Variants in KCNAB2 observed in about 807,000 individuals in gnomAD.
KCNAB2 encodes potassium voltage-gated channel subfamily A regulatory beta subunit 2, also known as voltage-gated potassium channel subunit beta-2.
In KCNAB2, 29 loss-of-function variants were observed where a neutral mutation model predicts 63.6. The ratio of observed to expected loss-of-function variants is 0.46; its 90% CI spans 0.34 to 0.62. The LOEUF is 0.62. KCNAB2 is among the 20% of genes least tolerant of loss of function. The pLI, the probability that KCNAB2 is intolerant of heterozygous loss-of-function variation, is 0.01. For synonymous variants in KCNAB2, 222 were observed against 224.2 expected (o/e 0.99, Z 0.09); for missense variants, 359 against 563.9 (o/e 0.64, Z 3.68).
rs1665993456 is a variant in KCNAB2 at position 6,101,005 on chromosome 1, AT to A, written c.*2432del. The A allele has an allele frequency of 6.7e-6, 1 of 149,154 alleles. No individual in the cohort carries two copies. Among genetic ancestry groups the A allele is most frequent in the African/African-American group, 2.5e-5 (1 of 40,298 alleles). The allele number at this position is 149,154 out of a possible 1,614,324, so 9.2% of individuals were successfully genotyped here. A position where few individuals can be genotyped will look rare whatever the true frequency, so the allele number is the denominator to read the frequency against. On this transcript the variant is annotated 3_prime_UTR_variant, in exon 16 of 16. Coordinates refer to ENST00000378083, the MANE Select transcript of KCNAB2 (RefSeq NM_001199862.2). The stretch of plus-strand genomic sequence containing the variant: ...CTTCTGTCCTTGTCCAGTCATGTAA[AT>A]AATGTGCTTTTTCTCTCCCCGAGTC...
chr1:6,073,746 C>T lies in KCNAB2; in HGVS notation c.276C>T (p.Thr92=). 2 of 1,614,198 alleles carry T rather than the reference C, an allele frequency of 1.2e-6. No homozygotes were observed. The highest frequency in any genetic ancestry group is 1.1e-5 in the South Asian group (1 of 91,088). Residue 92 remains threonine (T), a synonymous_variant, in exon 4 of 16, where the codon ACC becomes ACT. Transcript: ENST00000378083. The surrounding 1 kb of genome is among the most constrained non-coding windows in gnomAD (Gnocchi z 5.7). The part of the protein sequence containing the change: ...VSCLGLGTWV[T]FGGQITDEMA... The stretch of plus-strand genomic sequence containing the variant: ...GTCTCCTTCCAGGAACATGGGTGAC[C>T]TTCGGAGGCCAGATCACCGATGAGG...
At chr1:6,040,779 G>T in intron 2 of KCNAB2, 1 of 610,700 alleles carries the variant, frequency 1.6e-6, no homozygotes, top group Non-Finnish European at 3.0e-6. Flanking sequence ...GCCTTCCACG[G>T]GGTTTTGAGG....
chr1:6,096,456 C>T lies in KCNAB2; in HGVS notation c.949-180C>T. The T allele has an allele frequency of 1.2e-6, 1 of 802,670 alleles. No individual in the cohort carries two copies. The highest frequency in any genetic ancestry group is 1.9e-6 in the Non-Finnish European group (1 of 516,420). The allele number at this position is 802,670 out of a possible 1,614,324, so 49.7% of individuals were successfully genotyped here. A position where few individuals can be genotyped will look rare whatever the true frequency, so the allele number is the denominator to read the frequency against. On this transcript the variant is annotated intron_variant, in intron 13 of 15. Coordinates refer to ENST00000378083, the MANE Select transcript of KCNAB2 (RefSeq NM_001199862.2). This position sits in a 1 kb window ranked among gnomAD's most constrained non-coding sequence, Gnocchi z 5.9. ...CATCCACCAGCCCGTGCCCGGCCCA[C>T]TGCCCACTCTCCCCTACTTGAGAGG...
intron 9 of KCNAB2, 96 bp from the exon 10 acceptor site, chr1:6,091,167 T>C (rs1665156567): frequency 8.2e-6 from 7 of 849,544 alleles, no homozygotes; most frequent in Non-Finnish European, 1.9e-6. Context: ...TTCTGCACGG[T>C]GATTTGTGCC....
intron 1 of KCNAB2, among the ~76,000 whole-genome samples, chr1:6,016,696 C>T (rs968813694): frequency 3.3e-5 from 5 of 152,174 alleles, no homozygotes; most frequent in East Asian, 1.9e-4. Flanking sequence ...TAGACGGCAG[C>T]GGTGACACTG....
rs1191374924 is a variant in KCNAB2, at chr1:6,079,463, G to A, written c.301-2732G>A. ...GAAGCCAGGAGGCAAAGGTTGCAGC[G>A]AGCCAAGATTGTGCCACTGCACTCC... is the stretch of plus-strand genomic sequence containing the variant. On this transcript the variant is annotated intron_variant, in intron 4 of 15. Coordinates refer to ENST00000378083, the MANE Select transcript of KCNAB2 (RefSeq NM_001199862.2). 5.3e-5 allele frequency among the ~76,000 whole-genome samples: 8 copies of A among 151,912 alleles called. No homozygotes were observed. The East Asian group carries it at 7.8e-4, about 15-fold the overall frequency.
At chr1:6,084,759 A>T (rs972060566) in intron 5 of KCNAB2, among the ~76,000 whole-genome samples, 13 of 148,442 alleles carry the variant, frequency 8.8e-5, no homozygotes, top group Non-Finnish European at 1.2e-4. Context: ...GAGGTTGCAG[A>T]GAGCCGAGAT....
At chr1:6,083,697 G>A (rs974581176) in intron 5 of KCNAB2, among the ~76,000 whole-genome samples, 16 of 152,244 alleles carry the variant, frequency 1.1e-4, no homozygotes, top group Non-Finnish European at 2.4e-4. Flanking sequence ...GCTGCGTGCC[G>A]GGGATAGGCA....
chr1:6,020,868 C>G (rs1031675679), intron 1 of KCNAB2, among the ~76,000 whole-genome samples: 3 of 152,098 alleles, frequency 2.0e-5, no homozygotes, highest in Admixed American at 6.6e-5. Context: ...CCATGTTGGC[C>G]AGGCTGGTCT....
At chr1:5,997,727 G>A (rs533630201) in intron 1 of KCNAB2, among the ~76,000 whole-genome samples, 1 of 152,212 alleles carries the variant, frequency 6.6e-6, no homozygotes, top group African/African-American at 2.4e-5. Context: ...CGTGGCAGGG[G>A]CTCTCTGAAA....
At chr1:5,993,240 C>G (rs917700248) in intron 1 of KCNAB2, among the ~76,000 whole-genome samples, 1 of 151,866 alleles carries the variant, frequency 6.6e-6, no homozygotes. Context: ...CTGATCGCTT[C>G]TCAAGGCTCA....
At chr1:6,053,855 T>C (rs952446821) in intron 2 of KCNAB2, among the ~76,000 whole-genome samples, 6 of 151,310 alleles carry the variant, frequency 4.0e-5, no homozygotes, top group African/African-American at 1.5e-4. Flanking sequence ...GCAGCCTGGG[T>C]AACATGGCGA....
chr1:6,016,938 G>T (rs1317456274), intron 1 of KCNAB2, among the ~76,000 whole-genome samples: 1 of 152,198 alleles, frequency 6.6e-6, no homozygotes, highest in Non-Finnish European at 1.5e-5. Context: ...AGGAGAGGAG[G>T]TTATGGTCTC....
At chr1:6,025,624 C>T (rs142605207) in intron 1 of KCNAB2, among the ~76,000 whole-genome samples, 5 of 152,348 alleles carry the variant, frequency 3.3e-5, no homozygotes, top group Non-Finnish European at 7.4e-5. Context: ...CCTCTGTGTC[C>T]TGGCACAAAG....
intron 1 of KCNAB2, among the ~76,000 whole-genome samples, chr1:6,016,951 A>G (rs1658541014): frequency 6.6e-6 from 1 of 152,210 alleles, no homozygotes. Context: ...ATGGTCTCAC[A>G]AGAGGAAAAC....
upstream of KCNAB2, chr1:6,041,214 A>AAAAACATCAGCCC (rs2100460587): frequency 6.4e-6 from 1 of 156,966 alleles, no homozygotes; most frequent in Admixed American, 6.3e-5. Flanking sequence ...AACATCAGCG[A>AAAAACATCAGCCC]CAGCTGCGGA....
In KCNAB2 at chr1:6,085,202, A is replaced by G; in HGVS notation, c.381-2A>G. 6.2e-7 allele frequency: 1 copy of G among 1,613,890 alleles called. No homozygotes were observed. Among genetic ancestry groups the G allele is most frequent in the Non-Finnish European group, 8.5e-7 (1 of 1,179,860 alleles). ...ATGAGAGCTCGGTGTCTTGTTTTGC[A>G]GGGCTGAAGTGGTACTGGGAAACAT... On this transcript the variant is annotated splice_acceptor_variant, in intron 5 of 15. Transcript: ENST00000378083. LOFTEE classifies it high-confidence loss of function.
At chr1:6,041,806 C>A, upstream of KCNAB2, 1 of 1,608,464 alleles carries the variant, frequency 6.2e-7, no homozygotes, top group South Asian at 1.1e-5. Flanking sequence ...TCTCCTTTTT[C>A]TCTTTTCTCC....
At chr1:6,062,286 C>A (rs1433054740) in intron 2 of KCNAB2, among the ~76,000 whole-genome samples, 2 of 151,482 alleles carry the variant, frequency 1.3e-5, no homozygotes, top group African/African-American at 4.9e-5. Flanking sequence ...TGCTCTCCAG[C>A]CTGGGCAACA....
Sources: allele counts gnomAD v4.1 joint callset (sites outside exome capture counted in the v4.1 genomes callset), GRCh38; gene constraint gnomAD v4.1.1; non-coding constraint Gnocchi (gnomAD v3.1); transcripts MANE v1.5; gene names NCBI Gene and HGNC (gene_info 2026-07-23, HGNC 2026-07-21).